The following RAVER2 variants were observed in gnomAD, a reference collection of about 807,000 sequenced individuals.
RAVER2 encodes ribonucleoprotein, PTB binding 2, also known as ribonucleoprotein PTB-binding 2.
Under a neutral mutation model 78.1 loss-of-function variants are expected in RAVER2, and 46 were observed. The observed-to-expected ratio is 0.59, with a 90% CI of 0.46 to 0.75. RAVER2 has a LOEUF of 0.75. Among genes scored for constraint, RAVER2 ranks in the 30% least tolerant of loss-of-function variants. The probability of loss-of-function intolerance (pLI) is 0.00; values close to 1 mark genes in which losing one functional copy is unlikely to be tolerated. For missense variants in RAVER2, 793 were observed against 837.5 expected, an observed-to-expected ratio of 0.95 and a Z score of 0.66; for synonymous variants, 311 against 313.3, an observed-to-expected ratio of 0.99 and a Z score of 0.08.
At chr1:64,802,426 T>A (rs1653292531) in intron 5 of RAVER2, among the ~76,000 whole-genome samples, 1 of 152,246 alleles carries the variant, frequency 6.6e-6, no homozygotes, top group African/African-American at 2.4e-5. Context: ...TGAAATGTAC[T>A]CTGGTATTTA....
intron 11 of RAVER2, 68 bp from the exon 12 acceptor site, chr1:64,830,771 T>C (rs1327669109): frequency 7.2e-7 from 1 of 1,385,304 alleles, no homozygotes; most frequent in Admixed American, 2.2e-5. Flanking sequence ...ATGCTTTTCT[T>C]ATAAATATCT....
chr1:64,797,524 T>A (rs1272128138), intron 5 of RAVER2, among the ~76,000 whole-genome samples: 4 of 152,204 alleles, frequency 2.6e-5, no homozygotes, highest in African/African-American at 9.6e-5. Flanking sequence ...TTGTTGAAAT[T>A]TTTAATCATA....
intron 11 of RAVER2, among the ~76,000 whole-genome samples, chr1:64,817,663 A>G (rs1287151943): frequency 6.6e-6 from 1 of 150,884 alleles, no homozygotes; most frequent in Non-Finnish European, 1.5e-5. Context: ...ACAGAAAACC[A>G]AACACCACAT....
At chr1:64,810,585 G>C (rs1296820014) in intron 9 of RAVER2, among the ~76,000 whole-genome samples, 4 of 152,198 alleles carry the variant, frequency 2.6e-5, no homozygotes, top group Admixed American at 6.5e-5. Context: ...ATTCTGGGGA[G>C]ACTTAAACAT....
At chr1:64,823,613 A>C (rs1229994842) in intron 11 of RAVER2, among the ~76,000 whole-genome samples, 1 of 152,196 alleles carries the variant, frequency 6.6e-6, no homozygotes, top group African/African-American at 2.4e-5. Context: ...CATTTATTAA[A>C]TGTCTATTAA....
intron 1 of RAVER2, among the ~76,000 whole-genome samples, chr1:64,753,580 T>C (rs1570524181): frequency 7.1e-6 from 1 of 140,524 alleles, no homozygotes; most frequent in South Asian, 2.2e-4. Flanking sequence ...CAGGCTGGAG[T>C]GATCTCGGCT....
At chr1:64,784,407 C>G (rs1489743034) in intron 4 of RAVER2, among the ~76,000 whole-genome samples, 1 of 152,030 alleles carries the variant, frequency 6.6e-6, no homozygotes, top group East Asian at 1.9e-4. Context: ...CAAAACAAAG[C>G]TCTCTACTAC....
intron 1 of RAVER2, among the ~76,000 whole-genome samples, chr1:64,756,619 A>C (rs958217467): frequency 6.6e-6 from 1 of 152,168 alleles, no homozygotes; most frequent in Non-Finnish European, 1.5e-5. Flanking sequence ...CTGATGTTAC[A>C]TCTTATACAA....
chr1:64,783,010 TG>T (rs1652675690), intron 4 of RAVER2, among the ~76,000 whole-genome samples: 1 of 152,196 alleles, frequency 6.6e-6, no homozygotes, highest in African/African-American at 2.4e-5. Flanking sequence ...AATAGTTTTC[TG>T]AGAATGATGG....
chr1:64,793,230 T>A (rs1652993160), intron 5 of RAVER2, among the ~76,000 whole-genome samples: 1 of 152,180 alleles, frequency 6.6e-6, no homozygotes, highest in African/African-American at 2.4e-5. Context: ...ATTGTAATTC[T>A]TATACCCTTG....
chr1:64,810,419 T>A (rs527317967), intron 9 of RAVER2, among the ~76,000 whole-genome samples: 1 of 152,286 alleles, frequency 6.6e-6, no homozygotes, highest in Admixed American at 6.5e-5. Flanking sequence ...TCCATTCCAT[T>A]TTCACATGGT....
chr1:64,798,156 G>A (rs1570565749), intron 5 of RAVER2, among the ~76,000 whole-genome samples: 1 of 133,010 alleles, frequency 7.5e-6, no homozygotes, highest in South Asian at 2.6e-4. Context: ...TCCCACCTAT[G>A]AGTGAGAATA....
intron 1 of RAVER2, among the ~76,000 whole-genome samples, chr1:64,759,662 G>A (rs1296455233): frequency 1.3e-5 from 2 of 151,896 alleles, no homozygotes; most frequent in Non-Finnish European, 2.9e-5. Flanking sequence ...GACTACAGGC[G>A]CCCGCCACCA....
chr1:64,774,655 G>C (rs1001205105), intron 2 of RAVER2, among the ~76,000 whole-genome samples: 1 of 152,158 alleles, frequency 6.6e-6, no homozygotes, highest in Non-Finnish European at 1.5e-5. Context: ...TCTTGGCTGT[G>C]TTGGCTCTTT....
At position 64,745,229 on chromosome 1, in the gene RAVER2, G is replaced by T; in HGVS notation, c.57G>T (p.Ala19=). ...AGGGGGGCGCGGGCCTGGGCAGCGC[G>T]GCGGGGCTGGGGCCGGGGCCGGGGC... is the stretch of plus-strand genomic sequence containing the variant. The change falls in exon 1 of 12, where the codon GCG becomes GCT. Residue 19 remains alanine (A), a synonymous_variant. Transcript: ENST00000294428. This position sits in a 1 kb window ranked among gnomAD's most constrained non-coding sequence, Gnocchi z 4.3. 7.2e-6 allele frequency: 8 copies of T among 1,103,842 alleles called. No homozygotes were observed. Among genetic ancestry groups the T allele is most frequent in the Non-Finnish European group, 8.8e-6 (8 of 904,598 alleles). The allele number at this position is 1,103,842 out of a possible 1,614,324, so 68.4% of individuals were successfully genotyped here. A position where few individuals can be genotyped will look rare whatever the true frequency, so the allele number is the denominator to read the frequency against.
At chr1:64,828,638 A>G (rs1472261043) in intron 11 of RAVER2, among the ~76,000 whole-genome samples, 1 of 151,692 alleles carries the variant, frequency 6.6e-6, no homozygotes, top group Non-Finnish European at 1.5e-5. Context: ...CATGGGCTAC[A>G]GTGAAACCCG....
chr1:64,755,936 G>A (rs1232736834), intron 1 of RAVER2, among the ~76,000 whole-genome samples: 1 of 151,924 alleles, frequency 6.6e-6, no homozygotes, highest in Non-Finnish European at 1.5e-5. Flanking sequence ...ACTTTATTAT[G>A]TATGTCCTAC....
At chr1:64,756,913 T>C (rs1469074824) in intron 1 of RAVER2, among the ~76,000 whole-genome samples, 1 of 152,238 alleles carries the variant, frequency 6.6e-6, no homozygotes, top group African/African-American at 2.4e-5. Context: ...ATTGGGGTTA[T>C]AGGTTTTGGG....
chr1:64,817,338 G>T (rs1653779453), intron 11 of RAVER2, among the ~76,000 whole-genome samples: 1 of 152,108 alleles, frequency 6.6e-6, no homozygotes, highest in South Asian at 2.1e-4. Context: ...TTGTGAAGTT[G>T]GTGTGGCGAT....
Sources: gnomAD v4.1 joint callset for allele counts (sites outside exome capture counted in the v4.1 genomes callset) on GRCh38, gnomAD v4.1.1 for gene constraint, Gnocchi (gnomAD v3.1) non-coding constraint, MANE v1.5 for transcripts, NCBI Gene and HGNC (gene_info 2026-07-23, HGNC 2026-07-21) for gene names.